ADAMTSL3: variants seen among roughly 807,000 people sequenced by gnomAD.
The protein encoded by ADAMTSL3 is ADAMTS-like protein 3.
In ADAMTSL3, 128 loss-of-function variants were observed where a neutral mutation model predicts 201.7. That is an observed-to-expected ratio of 0.63 (90% CI 0.55 to 0.73). The LOEUF (loss-of-function observed/expected upper bound fraction) is 0.73. ADAMTSL3 is among the 30% of genes least tolerant of loss of function. The probability of loss-of-function intolerance (pLI) is 0.00; values close to 1 mark genes in which losing one functional copy is unlikely to be tolerated. For missense variants in ADAMTSL3, 1,990 were observed against 2,119.6 expected (o/e 0.94, Z 1.20); for synonymous variants, 738 against 748.4 (o/e 0.99, Z 0.23).
intron 3 of ADAMTSL3, among the ~76,000 whole-genome samples, chr15:83,740,539 A>T (rs1321504494): frequency 3.9e-5 from 6 of 152,234 alleles, no homozygotes; most frequent in Admixed American, 2.0e-4. Context: ...CCTTAAAGAC[A>T]GGGAAAATTG....
In ADAMTSL3 at chr15:83,913,234, C is replaced by T; in HGVS notation, c.1843C>T (p.Pro615Ser). 6 of 1,614,042 alleles carry T rather than the reference C, an allele frequency of 3.7e-6. No individual in the cohort carries two copies. Among genetic ancestry groups the T allele is most frequent in the Non-Finnish European group, 5.1e-6 (6 of 1,180,016 alleles). Residue 615 changes from proline to serine, a missense_variant, in exon 16 of 30, where the codon CCC becomes TCC. Coordinates refer to ENST00000286744, the MANE Select transcript of ADAMTSL3 (RefSeq NM_207517.3). ...GGAAGAGTGTGAAGGCCCCAAGCTGCCCACCGAACGGCCCTGCCTCCTGGA... is the reference window on the plus strand; with the variant it reads ...GGAAGAGTGTGAAGGCCCCAAGCTGTCCACCGAACGGCCCTGCCTCCTGGA... ...PEEECEGPKL[P>S]TERPCLLEAC...
intron 5 of ADAMTSL3, among the ~76,000 whole-genome samples, chr15:83,819,432 C>T (rs2063821959): frequency 1.3e-5 from 2 of 151,946 alleles, no homozygotes; most frequent in Non-Finnish European, 2.9e-5. Flanking sequence ...AAATTGAAAG[C>T]ATTTGGTTTC....
At chr15:83,757,135 C>A (rs2062734610) in intron 3 of ADAMTSL3, among the ~76,000 whole-genome samples, 1 of 152,238 alleles carries the variant, frequency 6.6e-6, no homozygotes, top group African/African-American at 2.4e-5. Flanking sequence ...CCTCTTCTCA[C>A]AGCTCTACTA....
chr15:83,975,281 C>T (rs965765976), intron 20 of ADAMTSL3, among the ~76,000 whole-genome samples: 5 of 151,544 alleles, frequency 3.3e-5, no homozygotes, highest in East Asian at 4.0e-4. Flanking sequence ...GGATTACAGG[C>T]GTGAGCCACT....
At chr15:84,030,316 A>T (rs929747892) in intron 27 of ADAMTSL3, among the ~76,000 whole-genome samples, 1 of 152,170 alleles carries the variant, frequency 6.6e-6, no homozygotes, top group Non-Finnish European at 1.5e-5. Flanking sequence ...ACAGAGGAGG[A>T]GCTGCTTAAG....
chr15:83,987,264 A>G (rs2067497222), intron 21 of ADAMTSL3, among the ~76,000 whole-genome samples: 1 of 152,112 alleles, frequency 6.6e-6, no homozygotes, highest in South Asian at 2.1e-4. Flanking sequence ...CGCTGTTTTG[A>G]CTTCTGCCAG....
chr15:83,701,484 ATTCTGTG>A (rs2061776438), intron 2 of ADAMTSL3, among the ~76,000 whole-genome samples: 1 of 152,140 alleles, frequency 6.6e-6, no homozygotes, highest in Admixed American at 6.5e-5. Context: ...ATATGGTTTG[ATTCTGTG>A]TCCCCACCCA....
In ADAMTSL3 at chr15:83,821,175, AT is replaced by A. The variant is rs959777694; in HGVS notation, c.600+1139del. On this transcript the variant is annotated intron_variant, in intron 6 of 29. Coordinates refer to ENST00000286744, the MANE Select transcript of ADAMTSL3 (RefSeq NM_207517.3). ...TCTATTCTTTTGACTTCTGAAAAAT[AT>A]TTTTTTTTTTCCAAATGTGAGCAGA... Among the ~76,000 whole-genome samples the A allele has an allele frequency of 6.9e-4, 101 of 147,212 alleles. 1 individual carries two copies. The highest frequency in any genetic ancestry group is 2.1e-3 in the Admixed American group (31 of 14,734).
intron 3 of ADAMTSL3, among the ~76,000 whole-genome samples, chr15:83,763,573 C>T (rs867965622): frequency 1.3e-5 from 2 of 150,240 alleles, no homozygotes; most frequent in Admixed American, 6.6e-5. Flanking sequence ...GGCACGATCT[C>T]GGCTCACTGC....
chr15:83,734,154 G>C (rs796866307), intron 3 of ADAMTSL3, among the ~76,000 whole-genome samples: 5 of 152,262 alleles, frequency 3.3e-5, no homozygotes, highest in African/African-American at 1.2e-4. Context: ...ATTAAGTCCA[G>C]ATAGTAATTT....
chr15:83,790,875 C>T (rs981663396), intron 4 of ADAMTSL3, among the ~76,000 whole-genome samples: 4 of 152,026 alleles, frequency 2.6e-5, no homozygotes, highest in African/African-American at 9.7e-5. Flanking sequence ...ACATAGATAA[C>T]AAAATTTAAA....
chr15:83,763,880 G>A (rs1447529314), intron 3 of ADAMTSL3, among the ~76,000 whole-genome samples: 1 of 152,212 alleles, frequency 6.6e-6, no homozygotes, highest in African/African-American at 2.4e-5. Context: ...CTGCAGGCCA[G>A]ATTCCTCCCA....
chr15:83,934,182 GC>G (rs778889779), intron 17 of ADAMTSL3, among the ~76,000 whole-genome samples: 1 of 152,190 alleles, frequency 6.6e-6, no homozygotes, highest in Non-Finnish European at 1.5e-5. Context: ...GGGAGGGGGG[GC>G]TGTACCCTGC....
chr15:83,810,858 C>T (rs998238392), intron 5 of ADAMTSL3, among the ~76,000 whole-genome samples: 2 of 152,204 alleles, frequency 1.3e-5, no homozygotes, highest in Admixed American at 6.5e-5. Flanking sequence ...CCTGCCTCAG[C>T]CTCCTGAGCA....
At chr15:83,778,451 A>G (rs2141773221) in intron 4 of ADAMTSL3, among the ~76,000 whole-genome samples, 2 of 152,328 alleles carry the variant, frequency 1.3e-5, no homozygotes, top group East Asian at 3.9e-4. Context: ...GCAAGAAGAG[A>G]TTCTGGGCCA....
rs754163129 is a variant in ADAMTSL3 at position 83,704,424 on chromosome 15, T to C, written c.105T>C (p.Leu35=). Residue 35 remains leucine, a synonymous_variant, in exon 3 of 30, where the codon CTT becomes CTC. Transcript: ENST00000286744. ...TAEKSPGAYF[L]PEFALSPQGS... ...AGAAATCTCCTGGAGCCTATTTCCT[T>C]CCCGAGTTTGCACTTTCTCCTCAGG... 13 of 1,614,202 alleles carry C rather than the reference T, an allele frequency of 8.1e-6. No homozygotes were observed. In the South Asian group the frequency reaches 1.4e-4, roughly 18 times the overall value.
chr15:83,664,672 GATA>G (rs2061223598), intron 2 of ADAMTSL3, among the ~76,000 whole-genome samples: 1 of 152,218 alleles, frequency 6.6e-6, no homozygotes, highest in South Asian at 2.1e-4. Flanking sequence ...TGGAGTATGA[GATA>G]ATGATGAACA....
chr15:83,866,353 C>T (rs1408005204), intron 8 of ADAMTSL3, among the ~76,000 whole-genome samples: 2 of 152,166 alleles, frequency 1.3e-5, no homozygotes, highest in Non-Finnish European at 2.9e-5. Context: ...AGACTTGGAA[C>T]CAACCCAAAT....
intron 4 of ADAMTSL3, among the ~76,000 whole-genome samples, chr15:83,790,647 C>T (rs1490951368): frequency 2.0e-5 from 3 of 151,968 alleles, no homozygotes; most frequent in African/African-American, 4.8e-5. Context: ...CACTTTCCCC[C>T]TAAGGTATAG....
Sources: gnomAD v4.1 joint callset for allele counts (sites outside exome capture counted in the v4.1 genomes callset) on GRCh38, gnomAD v4.1.1 for gene constraint, MANE v1.5 for transcripts, NCBI Gene and HGNC (gene_info 2026-07-23, HGNC 2026-07-21) for gene names.